ZNF254: variants seen among roughly 807,000 people sequenced by gnomAD.
The protein encoded by ZNF254 is CTD-2017D11.1.
In ZNF254, 10 loss-of-function variants were observed where a neutral mutation model predicts 12.4. The observed-to-expected ratio is 0.80, with a 90% CI of 0.50 to 1.36. ZNF254 has a LOEUF of 1.36. Ranked by LOEUF, ZNF254 falls within the 40% of genes most tolerant of loss-of-function variation. The probability of loss-of-function intolerance (pLI) is 0.00; values close to 1 mark genes in which losing one functional copy is unlikely to be tolerated. For missense variants in ZNF254, 996 were observed against 763.9 expected, an observed-to-expected ratio of 1.30 and a Z score of -3.58; for synonymous variants, 305 against 253.4, an observed-to-expected ratio of 1.20 and a Z score of -1.93.
chr19:24,068,315 T>C (rs1971354404), intron 2 of ZNF254, among the ~76,000 whole-genome samples: 1 of 152,108 alleles, frequency 6.6e-6, no homozygotes, highest in African/African-American at 2.4e-5. Context: ...CTTTTTTTTT[T>C]TTTGAGGCAG....
At chr19:24,106,123 T>C in intron 2 of ZNF254, 57 bp downstream of exon 2, 1 of 1,503,586 alleles carries the variant, frequency 6.7e-7, no homozygotes, top group Non-Finnish European at 8.9e-7. Flanking sequence ...TATTTTTCTT[T>C]AGAATGTTTT....
At chr19:24,099,446 C>T (rs1471086320) in intron 1 of ZNF254, among the ~76,000 whole-genome samples, 1 of 152,076 alleles carries the variant, frequency 6.6e-6, no homozygotes, top group Non-Finnish European at 1.5e-5. Context: ...ACACTGGCCA[C>T]CAGAAGAGGG....
chr19:24,067,316 A>G (rs1164448547), intron 2 of ZNF254, among the ~76,000 whole-genome samples: 8 of 151,934 alleles, frequency 5.3e-5, no homozygotes, highest in Admixed American at 3.9e-4. Flanking sequence ...CCCAGCACAC[A>G]GGGGATGTGA....
At position 24,128,834 on chromosome 19, in the gene ZNF254, A is replaced by G. The variant is rs554889536; in HGVS notation, c.*854A>G. ...CAAACAGATTTGTCTAAACATTTGT[A>G]TATAACTTTAAAAATAGAATATTTT... On this transcript the variant is annotated 3_prime_UTR_variant, in exon 4 of 4. Transcript: ENST00000357002. 33 of 152,190 alleles carry G rather than the reference A, an allele frequency of 2.2e-4. No individual in the cohort carries two copies. The highest frequency in any genetic ancestry group is 5.5e-4 in the African/African-American group (23 of 41,580). The allele number at this position is 152,190 out of a possible 1,614,324, so 9.4% of individuals were successfully genotyped here. A position where few individuals can be genotyped will look rare whatever the true frequency, so the allele number is the denominator to read the frequency against.
intron 1 of ZNF254, 55 bp from the exon 2 acceptor site, chr19:24,105,885 A>C: frequency 6.4e-7 from 1 of 1,553,258 alleles, no homozygotes; most frequent in South Asian, 1.1e-5. Flanking sequence ...GAGTCAAATG[A>C]AAAATTCTGC....
At chr19:24,074,362 G>T (rs964181794) in intron 2 of ZNF254, among the ~76,000 whole-genome samples, 1 of 152,152 alleles carries the variant, frequency 6.6e-6, no homozygotes, top group Non-Finnish European at 1.5e-5. Context: ...GGCTAAACAA[G>T]GTGATGTGAG....
At chr19:24,041,993 ACC>A (rs1173940196) in intron 1 of ZNF254, among the ~76,000 whole-genome samples, 1 of 139,270 alleles carries the variant, frequency 7.2e-6, no homozygotes, top group Non-Finnish European at 1.6e-5. Context: ...TTGTGAGTGC[ACC>A]AGTCGACACT....
chr19:24,127,878 A>G lies in ZNF254; in HGVS notation c.1878A>G (p.Gly626=). The change falls in exon 4 of 4, where the codon GGA becomes GGG. Residue 626 remains glycine, a synonymous_variant. Transcript: ENST00000357002. ...TLTKHKRIHT[G]EQPYKWEKFG... ...CTAAACATAAGAGAATTCATACTGG[A>G]GAGCAACCCTACAAATGGGAAAAAT... The G allele has an allele frequency of 6.2e-7, 1 of 1,613,256 alleles. No individual in the cohort carries two copies. The highest frequency in any genetic ancestry group is 8.5e-7 in the Non-Finnish European group (1 of 1,179,650).
chr19:24,049,214 A>AAATATATT, intron 2 of ZNF254, among the ~76,000 whole-genome samples: 1 of 40,892 alleles, frequency 2.4e-5, no homozygotes, highest in Non-Finnish European at 4.1e-5. Flanking sequence ...ATATATATAT[A>AAATATATT]TTTTTTTTTT....
chr19:24,069,719 G>A (rs1486134943), intron 2 of ZNF254, among the ~76,000 whole-genome samples: 1 of 151,800 alleles, frequency 6.6e-6, no homozygotes, highest in Non-Finnish European at 1.5e-5. Context: ...TTGGGAGGCC[G>A]AGGTGGGCGG....
At chr19:24,116,787 T>C (rs1433362506) in intron 3 of ZNF254, among the ~76,000 whole-genome samples, 1 of 152,138 alleles carries the variant, frequency 6.6e-6, no homozygotes, top group African/African-American at 2.4e-5. Context: ...TTTTAGAGTT[T>C]CCAGTTTTTC....
At chr19:24,095,538 T>C (rs1972621447) in intron 1 of ZNF254, among the ~76,000 whole-genome samples, 1 of 152,240 alleles carries the variant, frequency 6.6e-6, no homozygotes, top group African/African-American at 2.4e-5. Flanking sequence ...GTTGGTAGGC[T>C]ATTTATTACT....
chr19:24,085,696 T>C (rs540311117), upstream of ZNF254, among the ~76,000 whole-genome samples: 12 of 149,920 alleles, frequency 8.0e-5, no homozygotes, highest in East Asian at 1.8e-3. Flanking sequence ...CGCTTGAACT[T>C]GGGAGGCGGA....
exon 1 of ZNF254, chr19:24,033,581 G>A (rs1199939582): frequency 2.1e-5 from 8 of 385,444 alleles, no homozygotes; most frequent in Non-Finnish European, 4.1e-5. Flanking sequence ...CCGGAGAGAC[G>A]CACAGCTAAG....
chr19:24,075,322 A>G (rs1305603086), intron 2 of ZNF254, among the ~76,000 whole-genome samples: 1 of 152,120 alleles, frequency 6.6e-6, no homozygotes, highest in Non-Finnish European at 1.5e-5. Flanking sequence ...ACATATCTCT[A>G]TCAGGGGAAC....
chr19:24,051,656 C>T (rs1970652462), intron 2 of ZNF254, among the ~76,000 whole-genome samples: 1 of 152,202 alleles, frequency 6.6e-6, no homozygotes. Context: ...AGACATATCA[C>T]TGAGTCTAAC....
At chr19:24,114,946 A>T (rs1973938613) in intron 3 of ZNF254, among the ~76,000 whole-genome samples, 1 of 152,304 alleles carries the variant, frequency 6.6e-6, no homozygotes, top group Non-Finnish European at 1.5e-5. Context: ...ACTGGCCATC[A>T]GAGAAATGCA....
intron 1 of ZNF254, among the ~76,000 whole-genome samples, chr19:24,043,973 G>A (rs941473671): frequency 6.6e-6 from 1 of 152,190 alleles, no homozygotes; most frequent in Non-Finnish European, 1.5e-5. Context: ...GGGCGTGGTG[G>A]CTCACGCCTG....
intron 2 of ZNF254, chr19:24,064,089 G>A (rs979422941): frequency 3.3e-5 from 5 of 152,194 alleles, no homozygotes; most frequent in African/African-American, 9.7e-5. Flanking sequence ...TGTGATACAT[G>A]TTTGGGCCTC....
Sources: gnomAD v4.1 joint callset for allele counts (sites outside exome capture counted in the v4.1 genomes callset) on GRCh38, gnomAD v4.1.1 for gene constraint, MANE v1.5 for transcripts, NCBI Gene and HGNC (gene_info 2026-07-23, HGNC 2026-07-21) for gene names.